Variants in NGF observed in about 807,000 individuals in gnomAD.
The protein encoded by NGF is nerve growth factor.
Under a neutral mutation model 12.8 loss-of-function variants are expected in NGF, and 4 were observed. That is an observed-to-expected ratio of 0.31 (90% CI 0.15 to 0.72). NGF has a LOEUF of 0.72. Among genes scored for constraint, NGF ranks in the 30% least tolerant of loss-of-function variants. The pLI is 0.69. For missense variants in NGF, 283 were observed against 330.8 expected (o/e 0.86, Z 1.12); for synonymous variants, 140 against 130.0 (o/e 1.08, Z -0.52).
At chr1:115,300,082 T>G (rs1653989408) in intron 1 of NGF, among the ~76,000 whole-genome samples, 1 of 152,228 alleles carries the variant, frequency 6.6e-6, no homozygotes. Flanking sequence ...TTTATTCTAT[T>G]TGCTTTATAG....
intron 1 of NGF, among the ~76,000 whole-genome samples, chr1:115,336,183 C>T (rs181426680): frequency 8.7e-4 from 132 of 151,486 alleles, no homozygotes; most frequent in Middle Eastern, 3.5e-3. Context: ...TCACCAATAC[C>T]GGGATGACTG....
chr1:115,336,167 A>T (rs552065084), intron 1 of NGF, among the ~76,000 whole-genome samples: 61 of 152,222 alleles, frequency 4.0e-4, no homozygotes, highest in Non-Finnish European at 6.2e-4. Context: ...AAAAGTAGGG[A>T]AAGAGTCACC....
chr1:115,314,510 G>A (rs1440233104), intron 1 of NGF, among the ~76,000 whole-genome samples: 1 of 152,178 alleles, frequency 6.6e-6, no homozygotes, highest in Non-Finnish European at 1.5e-5. Flanking sequence ...CAAAATCTGT[G>A]GCTAGTGCTT....
At chr1:115,321,305 A>C (rs7528234) in intron 1 of NGF, among the ~76,000 whole-genome samples, 2,570 of 152,268 alleles carry the variant, frequency 0.017, 67 homozygotes, top group African/African-American at 0.059. Flanking sequence ...TAAATAGTTG[A>C]TGAAAGAATG....
intron 1 of NGF, among the ~76,000 whole-genome samples, chr1:115,326,453 G>A (rs997062062): frequency 4.6e-5 from 7 of 152,090 alleles, no homozygotes; most frequent in Non-Finnish European, 7.4e-5. Flanking sequence ...CTTTATAGCC[G>A]AAGAAACTGA....
At chr1:115,290,513 A>G (rs967399026) in intron 2 of NGF, among the ~76,000 whole-genome samples, 6 of 144,724 alleles carry the variant, frequency 4.1e-5, no homozygotes, top group Non-Finnish European at 6.0e-5. Context: ...CTCCTGCCTC[A>G]GCCTCCTGAG....
intron 1 of NGF, among the ~76,000 whole-genome samples, chr1:115,298,309 T>A (rs1653932752): frequency 6.6e-6 from 1 of 152,178 alleles, no homozygotes; most frequent in East Asian, 1.9e-4. Context: ...AAAGTTGATT[T>A]TTTCCCCCCA....
chr1:115,308,793 G>C (rs575783330), intron 1 of NGF, among the ~76,000 whole-genome samples: 10 of 152,172 alleles, frequency 6.6e-5, no homozygotes, highest in African/African-American at 2.4e-4. Context: ...AAATGAAGAA[G>C]CACTTAAAGA....
At chr1:115,307,747 C>T (rs139788709) in intron 1 of NGF, among the ~76,000 whole-genome samples, 1 of 152,356 alleles carries the variant, frequency 6.6e-6, no homozygotes, top group East Asian at 1.9e-4. Context: ...TAAGCTCAAA[C>T]CCAGTGATAA....
At chr1:115,333,443 C>A (rs1430738627) in intron 1 of NGF, among the ~76,000 whole-genome samples, 1 of 147,312 alleles carries the variant, frequency 6.8e-6, no homozygotes, top group Non-Finnish European at 1.5e-5. Context: ...TCTGCTTAGC[C>A]CAGTGGTGGA....
chr1:115,326,558 G>A (rs1382584019), intron 1 of NGF, among the ~76,000 whole-genome samples: 4 of 152,268 alleles, frequency 2.6e-5, no homozygotes, highest in African/African-American at 4.8e-5. Flanking sequence ...CCACATTCAT[G>A]CTTTTTCTGT....
intron 1 of NGF, among the ~76,000 whole-genome samples, chr1:115,320,247 C>T (rs1475402673): frequency 2.0e-5 from 3 of 152,170 alleles, no homozygotes; most frequent in East Asian, 3.9e-4. Context: ...TAAATAGTGC[C>T]AAATCCTATA....
At chr1:115,290,552 C>T (rs528932657) in intron 2 of NGF, among the ~76,000 whole-genome samples, 38 of 151,914 alleles carry the variant, frequency 2.5e-4, no homozygotes, top group African/African-American at 6.3e-4. Context: ...CACGCCGCCA[C>T]GCCTGGCTAA....
At chr1:115,318,730 C>T (rs1322520984) in intron 1 of NGF, among the ~76,000 whole-genome samples, 2 of 152,180 alleles carry the variant, frequency 1.3e-5, no homozygotes, top group Non-Finnish European at 2.9e-5. Flanking sequence ...TGGCAGCCCA[C>T]CTGCTTGTCC....
At chr1:115,314,253 C>A (rs920251591) in intron 1 of NGF, among the ~76,000 whole-genome samples, 1 of 152,158 alleles carries the variant, frequency 6.6e-6, no homozygotes, top group African/African-American at 2.4e-5. Context: ...TGGATCCAAT[C>A]GACCCTTCTG....
chr1:115,286,461 G>T lies in NGF; in HGVS notation c.335C>A (p.Pro112His), dbSNP rs147763877. 6.2e-6 allele frequency: 10 copies of T among 1,613,626 alleles called. No individual in the cohort carries two copies. The highest frequency in any genetic ancestry group is 8.5e-6 in the Non-Finnish European group (10 of 1,179,830). The change falls in exon 3 of 3, where the codon CCC (proline) becomes CAC (histidine). Residue 112 changes from proline (P) to histidine (H), a missense_variant. Transcript: ENST00000369512. ...DLDFEVGGAA[P>H]FNRTHRSKRS... ...CTTGCTCCTGTGAGTCCTGTTGAAG[G>T]GGGCAGCACCACCGACCTCGAAGTC...
intron 2 of NGF, among the ~76,000 whole-genome samples, chr1:115,292,543 G>C (rs1653734826): frequency 6.6e-6 from 1 of 152,174 alleles, no homozygotes; most frequent in African/African-American, 2.4e-5. Context: ...TAACTTTGTA[G>C]AAGACAAAAA....
intron 1 of NGF, among the ~76,000 whole-genome samples, chr1:115,326,783 C>T (rs1003588450): frequency 6.6e-6 from 1 of 152,124 alleles, no homozygotes; most frequent in African/African-American, 2.4e-5. Flanking sequence ...AGAACCAGCA[C>T]GAGCACCTGG....
At chr1:115,311,113 T>C (rs923248833) in intron 1 of NGF, among the ~76,000 whole-genome samples, 1 of 152,232 alleles carries the variant, frequency 6.6e-6, no homozygotes, top group East Asian at 1.9e-4. Flanking sequence ...AAGATTTATC[T>C]AGTTCCAAAG....
Sources: allele counts gnomAD v4.1 joint callset (sites outside exome capture counted in the v4.1 genomes callset), GRCh38; gene constraint gnomAD v4.1.1; transcripts MANE v1.5; gene names NCBI Gene and HGNC (gene_info 2026-07-23, HGNC 2026-07-21).